DMD: variants seen among roughly 807,000 people sequenced by gnomAD.
DMD encodes mutant dystrophin.
In DMD, 63 loss-of-function variants were observed where a neutral mutation model predicts 330.1. That is an observed-to-expected ratio of 0.19 (90% confidence interval 0.16 to 0.24). The LOEUF is 0.24. Ranked by LOEUF, DMD falls within the 10% of genes least tolerant of loss-of-function variation. DMD has a pLI of 1.00. For missense variants in DMD, 3,344 were observed against 2,684.1 expected, an observed-to-expected ratio of 1.25 and a Z score of -5.43; for synonymous variants, 1,223 against 959.8, an observed-to-expected ratio of 1.27 and a Z score of -5.07.
chrX:31,417,686 C>T (rs1602630933), intron 60 of DMD, among the ~76,000 whole-genome samples: 1 of 108,750 alleles, frequency 9.2e-6, no homozygotes, highest in South Asian at 4.0e-4. Flanking sequence ...AATATATTAT[C>T]ACTTCTTTTT....
chrX:32,694,065 T>C (rs1001189484), intron 9 of DMD, among the ~76,000 whole-genome samples: 1 of 111,975 alleles, frequency 8.9e-6, no homozygotes, highest in African/African-American at 3.2e-5. Context: ...ATCAGCAATA[T>C]TTAATGTAGT....
rs750390155 is a variant in DMD at position 31,297,434 on chromosome X, A to C, written c.9224+26164T>G. Among the ~76,000 whole-genome samples, 31 of 111,608 alleles carry C rather than the reference A, an allele frequency of 2.8e-4. No homozygotes were observed. The South Asian group carries it at 4.6e-3, about 16-fold the overall frequency. ...CTTACATAGATTTTTATAAGGGAAA[A>C]CATCAGCATATCGAGAAGAAAGATA... is the stretch of plus-strand genomic sequence containing the variant. On this transcript the variant is annotated intron_variant, in intron 62 of 78. Coordinates refer to ENST00000357033, the MANE Select transcript of DMD (RefSeq NM_004006.3).
At chrX:31,809,518 A>G (rs1314240959) in intron 50 of DMD, among the ~76,000 whole-genome samples, 2 of 106,192 alleles carry the variant, frequency 1.9e-5, no homozygotes, top group Non-Finnish European at 3.9e-5. Context: ...TAGCAATTTT[A>G]CCTAAATATT....
intron 55 of DMD, among the ~76,000 whole-genome samples, chrX:31,599,990 G>A (rs2077270129): frequency 9.0e-6 from 1 of 111,187 alleles, no homozygotes; most frequent in Non-Finnish European, 1.9e-5. Context: ...GAGTGCAGTT[G>A]TGCCATTATG....
intron 2 of DMD, among the ~76,000 whole-genome samples, chrX:32,917,006 C>T (rs754421486): frequency 2.7e-5 from 3 of 111,192 alleles, no homozygotes; most frequent in Non-Finnish European, 5.6e-5. Flanking sequence ...GCTCTGTGTC[C>T]CCACCCAAAT....
At chrX:32,681,869 A>G (rs750250069) in intron 9 of DMD, among the ~76,000 whole-genome samples, 2 of 106,660 alleles carry the variant, frequency 1.9e-5, no homozygotes, top group African/African-American at 7.7e-5. Flanking sequence ...GGTAGTCAGA[A>G]AAGATCTCTT....
chrX:31,219,500 G>A (rs2045757475), intron 64 of DMD, among the ~76,000 whole-genome samples: 1 of 110,920 alleles, frequency 9.0e-6, no homozygotes, highest in Non-Finnish European at 1.9e-5. Context: ...ACAAAAAATG[G>A]AAGCCTTTAT....
intron 43 of DMD, among the ~76,000 whole-genome samples, chrX:32,226,585 TA>T (rs1193679451): frequency 8.9e-6 from 1 of 111,782 alleles, no homozygotes; most frequent in Non-Finnish European, 1.9e-5. Flanking sequence ...TACATTTTAA[TA>T]ACTGAATGAA....
chrX:31,535,962 TGAGA>T (rs2073367803), intron 55 of DMD, among the ~76,000 whole-genome samples: 1 of 112,188 alleles, frequency 8.9e-6, no homozygotes, highest in Non-Finnish European at 1.9e-5. Context: ...AACAAGTATC[TGAGA>T]GAATTTTCTT....
intron 67 of DMD, among the ~76,000 whole-genome samples, chrX:31,192,718 G>T (rs2042501120): frequency 8.9e-6 from 1 of 111,957 alleles, no homozygotes; most frequent in African/African-American, 3.2e-5. Flanking sequence ...AGAGGTTAAG[G>T]AAACAGCTTA....
At chrX:32,407,543 A>G (rs1338313000) in intron 30 of DMD, among the ~76,000 whole-genome samples, 1 of 111,142 alleles carries the variant, frequency 9.0e-6, no homozygotes, top group Non-Finnish European at 1.9e-5. Context: ...AACTAGTTCA[A>G]CCATTGTGGA....
chrX:32,698,039 G>A (rs932976637), intron 8 of DMD, 41 bp from the exon 9 acceptor site: 11 of 1,158,987 alleles, frequency 9.5e-6, no homozygotes, highest in Admixed American at 2.6e-5. Context: ...AGAGGAGGGG[G>A]AAAAACCATA....
intron 44 of DMD, among the ~76,000 whole-genome samples, chrX:32,189,206 G>T (rs1471771479): frequency 1.8e-5 from 2 of 109,248 alleles, no homozygotes; most frequent in African/African-American, 6.6e-5. Context: ...CTTTCCTTTT[G>T]AGGTTATCAT....
chrX:32,419,360 G>A (rs1569561959), intron 29 of DMD, among the ~76,000 whole-genome samples: 1 of 111,874 alleles, frequency 8.9e-6, no homozygotes, highest in Non-Finnish European at 1.9e-5. Context: ...CTAAAGAAAG[G>A]AGGTCTCACA....
At chrX:32,348,363 T>G (rs1484520304) in intron 38 of DMD, 43 bp downstream of exon 38, 2 of 1,171,799 alleles carry the variant, frequency 1.7e-6, no homozygotes, top group Admixed American at 4.4e-5. Context: ...AAATATTTAT[T>G]TCCACTCCTA....
chrX:32,529,672 C>G (rs112794288), intron 17 of DMD, among the ~76,000 whole-genome samples: 1 of 110,972 alleles, frequency 9.0e-6, no homozygotes, highest in Non-Finnish European at 1.9e-5. Flanking sequence ...GATACAAAAA[C>G]TGAGATCAGC....
intron 37 of DMD, 28 bp downstream of exon 37, chrX:32,362,760 G>A (rs766112836): frequency 6.6e-6 from 8 of 1,206,870 alleles, no homozygotes; most frequent in Non-Finnish European, 9.0e-6. Context: ...TTTAGCACAA[G>A]TTTCCACCTT....
In DMD at chrX:31,729,612, T is replaced by C. The variant is rs1312650242; in HGVS notation, c.7660+19A>G. The C allele has an allele frequency of 2.5e-5, 29 of 1,160,885 alleles. No individual in the cohort carries two copies. The highest frequency in any genetic ancestry group is 3.2e-5 in the Non-Finnish European group (27 of 849,055). On this transcript the variant is annotated intron_variant, in intron 52 of 78. Transcript: ENST00000357033. Reference sequence around the variant, plus strand: ...CATGCATCTTGCTTTGTGTGTCCCATGCTTGTTAAAAAACTTACTTCGATC... The same window carrying C: ...CATGCATCTTGCTTTGTGTGTCCCACGCTTGTTAAAAAACTTACTTCGATC...
intron 55 of DMD, among the ~76,000 whole-genome samples, chrX:31,539,096 AAG>A (rs755179291): frequency 3.6e-5 from 4 of 111,911 alleles, no homozygotes; most frequent in South Asian, 3.8e-4. Flanking sequence ...AGAGATGACA[AAG>A]AGGTTTTACC....
Sources: gnomAD v4.1 joint callset for allele counts (sites outside exome capture counted in the v4.1 genomes callset) on GRCh38, gnomAD v4.1.1 for gene constraint, MANE v1.5 for transcripts, NCBI Gene and HGNC (gene_info 2026-07-23, HGNC 2026-07-21) for gene names.